FOCAD: variants seen among roughly 807,000 people sequenced by gnomAD.
FOCAD encodes the protein focadhesin, also known as KIAA1797.
Under a neutral mutation model 225.6 loss-of-function variants are expected in FOCAD, and 198 were observed. The observed-to-expected ratio is 0.88, with a 90% CI of 0.78 to 0.99. The LOEUF (loss-of-function observed/expected upper bound fraction) is 0.99. Among genes scored for constraint, FOCAD ranks in the 50% least tolerant of loss-of-function variants. The probability of loss-of-function intolerance (pLI) is 0.00; values close to 1 mark genes in which losing one functional copy is unlikely to be tolerated. For synonymous variants in FOCAD, 897 were observed against 755.0 expected (o/e 1.19, Z -3.08); for missense variants, 2,713 against 2,123.6 (o/e 1.28, Z -5.46).
chr9:20,770,816 AAAG>A (rs1254578009), intron 8 of FOCAD, among the ~76,000 whole-genome samples: 2 of 152,220 alleles, frequency 1.3e-5, no homozygotes, highest in Non-Finnish European at 2.9e-5. Flanking sequence ...TTTATTAGAA[AAAG>A]AAATCATTAA....
intron 15 of FOCAD, among the ~76,000 whole-genome samples, chr9:20,843,238 C>T (rs919117542): frequency 9.9e-5 from 15 of 152,044 alleles, no homozygotes; most frequent in African/African-American, 1.9e-4. Context: ...TGCTCTCTAA[C>T]ATCCTTTTCT....
chr9:20,716,566 A>T (rs974470625), intron 2 of FOCAD, among the ~76,000 whole-genome samples: 2 of 152,126 alleles, frequency 1.3e-5, no homozygotes, highest in African/African-American at 2.4e-5. Flanking sequence ...TTCTTTTTCT[A>T]GATATGAACT....
intron 11 of FOCAD, among the ~76,000 whole-genome samples, chr9:20,818,558 T>C (rs983846460): frequency 1.3e-5 from 2 of 152,084 alleles, no homozygotes; most frequent in African/African-American, 4.8e-5. Context: ...GAGAAAGGGG[T>C]CCAACTTGAT....
chr9:20,770,009 C>A (rs771950336), intron 7 of FOCAD, 23 bp from the exon 8 acceptor site: 7 of 1,588,580 alleles, frequency 4.4e-6, no homozygotes, highest in South Asian at 1.1e-5. Flanking sequence ...TTTTTAATAT[C>A]ATATAATGAC....
chr9:20,887,670 T>A (rs1053807681), intron 21 of FOCAD, among the ~76,000 whole-genome samples: 7 of 152,230 alleles, frequency 4.6e-5, no homozygotes, highest in African/African-American at 1.7e-4. Context: ...TGTGTGAACA[T>A]TCATTTTTCT....
intron 25 of FOCAD, among the ~76,000 whole-genome samples, chr9:20,925,911 G>A (rs1267041914): frequency 6.6e-6 from 1 of 152,144 alleles, no homozygotes; most frequent in African/African-American, 2.4e-5. Flanking sequence ...TGCCTCCTTT[G>A]TCAAATAAGA....
chr9:20,656,659 G>C (rs1021296213), upstream of FOCAD, among the ~76,000 whole-genome samples: 4 of 151,782 alleles, frequency 2.6e-5, no homozygotes, highest in African/African-American at 7.3e-5. Context: ...TTTATTTTGA[G>C]CCTATGTGTG....
chr9:20,908,076 A>C (rs188287178), intron 22 of FOCAD, among the ~76,000 whole-genome samples: 62 of 152,146 alleles, frequency 4.1e-4, no homozygotes, highest in Admixed American at 3.1e-3. Context: ...ATAGTTTGTG[A>C]ATTTTTAAAT....
chr9:20,704,882 C>T (rs1317418035), intron 1 of FOCAD, among the ~76,000 whole-genome samples: 1 of 152,094 alleles, frequency 6.6e-6, no homozygotes, highest in Non-Finnish European at 1.5e-5. Flanking sequence ...AATTACAAAA[C>T]ACATATTCTC....
At chr9:20,680,095 A>T (rs569188375), upstream of FOCAD, among the ~76,000 whole-genome samples, 1 of 152,328 alleles carries the variant, frequency 6.6e-6, no homozygotes, top group African/African-American at 2.4e-5. Context: ...TTGTAGCTAC[A>T]TTCCTTCAGG....
chr9:20,829,374 C>T (rs1381984900), intron 15 of FOCAD, among the ~76,000 whole-genome samples: 1 of 151,904 alleles, frequency 6.6e-6, no homozygotes, highest in Non-Finnish European at 1.5e-5. Context: ...ATTTGCATTT[C>T]TCTGATGATC....
chr9:20,901,627 C>T (rs1832573086), intron 21 of FOCAD, among the ~76,000 whole-genome samples: 1 of 151,742 alleles, frequency 6.6e-6, no homozygotes, highest in South Asian at 2.1e-4. Flanking sequence ...GATATGTAGT[C>T]CCTTGTAGTA....
intron 2 of FOCAD, among the ~76,000 whole-genome samples, chr9:20,664,144 T>G (rs1821826184): frequency 6.6e-6 from 1 of 151,892 alleles, no homozygotes; most frequent in Non-Finnish European, 1.5e-5. Context: ...AAATCTAATT[T>G]TAAAAGTTCT....
intron 11 of FOCAD, among the ~76,000 whole-genome samples, chr9:20,799,527 G>A (rs559309216): frequency 5.3e-5 from 8 of 151,980 alleles, no homozygotes; most frequent in African/African-American, 1.5e-4. Context: ...GAATCTGGGC[G>A]CTCCTGTATT....
intron 15 of FOCAD, among the ~76,000 whole-genome samples, chr9:20,858,592 C>G (rs556069553): frequency 4.9e-4 from 74 of 151,764 alleles, no homozygotes; most frequent in Admixed American, 2.2e-3. Flanking sequence ...TTTCAGTGTT[C>G]GTTTATTTCT....
At chr9:20,765,184 C>A in intron 7 of FOCAD, 111 bp downstream of exon 7, 4 of 876,768 alleles carry the variant, frequency 4.6e-6, no homozygotes, top group Non-Finnish European at 6.8e-6. Context: ...CAGACATGAT[C>A]CTCGCTCTAG....
intron 2 of FOCAD, among the ~76,000 whole-genome samples, chr9:20,673,491 C>T (rs1451741321): frequency 1.3e-5 from 2 of 152,138 alleles, no homozygotes; most frequent in South Asian, 4.1e-4. Flanking sequence ...GATTTGCATT[C>T]TCCTGGGGGT....
intron 23 of FOCAD, among the ~76,000 whole-genome samples, chr9:20,916,409 T>G (rs1345612220): frequency 6.6e-6 from 1 of 152,208 alleles, no homozygotes; most frequent in Non-Finnish European, 1.5e-5. Context: ...ATAGCGACTA[T>G]TTCATATGTA....
intron 35 of FOCAD, among the ~76,000 whole-genome samples, chr9:20,972,506 C>G (rs978258083): frequency 6.6e-6 from 1 of 151,786 alleles, no homozygotes; most frequent in Admixed American, 6.6e-5. Flanking sequence ...CTATGTTACT[C>G]CTTTTTTAGC....
Sources: gnomAD v4.1 joint callset for allele counts (sites outside exome capture counted in the v4.1 genomes callset) on GRCh38, gnomAD v4.1.1 for gene constraint, MANE v1.5 for transcripts, NCBI Gene and HGNC (gene_info 2026-07-23, HGNC 2026-07-21) for gene names.